The following RIN2 variants were observed in gnomAD, a reference collection of about 807,000 sequenced individuals.
RIN2 encodes RAB5 interacting protein 2.
Under a neutral mutation model 78.0 loss-of-function variants are expected in RIN2, and 36 were observed. That is an observed-to-expected ratio of 0.46 (90% CI 0.35 to 0.61). The LOEUF is 0.61. RIN2 is among the 20% of genes least tolerant of loss of function. The pLI, the probability that RIN2 is intolerant of heterozygous loss-of-function variation, is 0.00. For synonymous variants in RIN2, 466 were observed against 466.8 expected (o/e 1.00, Z 0.02); for missense variants, 1,087 against 1,159.7 (o/e 0.94, Z 0.91).
chr20:19,913,569 A>G (rs771121989), intron 3 of RIN2, among the ~76,000 whole-genome samples: 7 of 152,198 alleles, frequency 4.6e-5, no homozygotes, highest in Non-Finnish European at 8.8e-5. Flanking sequence ...AACTCTATCT[A>G]TTAAATAATT....
At chr20:19,909,172 A>C (rs1190370077) in intron 3 of RIN2, among the ~76,000 whole-genome samples, 1 of 152,000 alleles carries the variant, frequency 6.6e-6, no homozygotes, top group African/African-American at 2.4e-5. Context: ...TCTGCTCTTC[A>C]GTTTTTGTTA....
chr20:19,832,545 G>A (rs1436713195), intron 2 of RIN2, among the ~76,000 whole-genome samples: 1 of 151,618 alleles, frequency 6.6e-6, no homozygotes, highest in Non-Finnish European at 1.5e-5. Flanking sequence ...CACCCTCCGG[G>A]CCATGACCCA....
intron 3 of RIN2, among the ~76,000 whole-genome samples, chr20:19,904,244 T>A (rs1426932917): frequency 0.067 from 5,220 of 77,486 alleles, 314 homozygotes; most frequent in African/African-American, 0.15. Flanking sequence ...AAAAAAAATA[T>A]ATATATATAT....
chr20:19,904,240 A>ATAT (rs1333414799), intron 3 of RIN2, among the ~76,000 whole-genome samples: 14 of 91,706 alleles, frequency 1.5e-4, no homozygotes, highest in South Asian at 6.4e-4. Flanking sequence ...TCAAAAAAAA[A>ATAT]ATATATATAT....
intron 1 of RIN2, among the ~76,000 whole-genome samples, chr20:19,763,171 G>C (rs1458476488): frequency 6.6e-6 from 1 of 152,138 alleles, no homozygotes; most frequent in Non-Finnish European, 1.5e-5. Context: ...GATCACTTGA[G>C]GTTAGGAGTT....
intron 1 of RIN2, among the ~76,000 whole-genome samples, chr20:19,790,867 A>G (rs1021414145): frequency 6.6e-6 from 1 of 152,218 alleles, no homozygotes; most frequent in Non-Finnish European, 1.5e-5. Flanking sequence ...TTTGCATTGT[A>G]AAATGGAAAC....
chr20:19,940,082 G>C (rs372429970), intron 4 of RIN2, among the ~76,000 whole-genome samples: 8 of 152,198 alleles, frequency 5.3e-5, no homozygotes, highest in African/African-American at 1.9e-4. Flanking sequence ...TAACTCCTGA[G>C]TTCAGGCAAT....
intron 1 of RIN2, among the ~76,000 whole-genome samples, chr20:19,787,445 A>AAG (rs1182054268): frequency 5.1e-4 from 76 of 148,180 alleles, no homozygotes; most frequent in African/African-American, 1.2e-3. Context: ...AAAAAAAAAA[A>AAG]AGAGAGAGAG....
intron 11 of RIN2, among the ~76,000 whole-genome samples, chr20:19,992,904 A>AT (rs886956736): frequency 6.6e-6 from 1 of 152,032 alleles, no homozygotes; most frequent in Admixed American, 6.6e-5. Context: ...AACAGTATTA[A>AT]TTTTTTTCCA....
At chr20:19,844,794 T>A (rs1239432397) in intron 2 of RIN2, among the ~76,000 whole-genome samples, 2 of 151,682 alleles carry the variant, frequency 1.3e-5, no homozygotes, top group African/African-American at 4.9e-5. Flanking sequence ...TGCAGGTTTG[T>A]TACATAGGTA....
intron 1 of RIN2, among the ~76,000 whole-genome samples, chr20:19,772,487 T>G (rs1245798302): frequency 6.6e-6 from 1 of 152,182 alleles, no homozygotes; most frequent in Non-Finnish European, 1.5e-5. Context: ...GGGGCCCTTC[T>G]GAATGCAGGG....
chr20:19,933,918 C>A (rs1303952552), intron 3 of RIN2, among the ~76,000 whole-genome samples: 1 of 152,138 alleles, frequency 6.6e-6, no homozygotes, highest in African/African-American at 2.4e-5. Context: ...AAGTGATTCT[C>A]CTACCTCAGC....
chr20:19,861,157 G>A (rs1241972522), intron 2 of RIN2, among the ~76,000 whole-genome samples: 2 of 152,146 alleles, frequency 1.3e-5, no homozygotes, highest in Admixed American at 1.3e-4. Context: ...TCTCCGGGCA[G>A]ATGTCACACT....
chr20:19,821,450 C>G (rs1321788710), intron 2 of RIN2, among the ~76,000 whole-genome samples: 1 of 152,110 alleles, frequency 6.6e-6, no homozygotes, highest in African/African-American at 2.4e-5. Flanking sequence ...CACTCTCCTA[C>G]TCAGAAGTAT....
chr20:19,937,326 C>A (rs1048655294), intron 4 of RIN2, among the ~76,000 whole-genome samples: 2 of 152,142 alleles, frequency 1.3e-5, no homozygotes, highest in African/African-American at 4.8e-5. Context: ...TCAGCAAAAC[C>A]CCTGGAGAAA....
At chr20:19,888,239 C>G (rs6136874) in intron 2 of RIN2, among the ~76,000 whole-genome samples, 1 of 151,830 alleles carries the variant, frequency 6.6e-6, no homozygotes, top group African/African-American at 2.4e-5. Context: ...CTCTGTGTCA[C>G]TATTGTTTTC....
At chr20:19,840,098 C>A (rs1007053614) in intron 2 of RIN2, among the ~76,000 whole-genome samples, 3 of 152,058 alleles carry the variant, frequency 2.0e-5, no homozygotes, top group African/African-American at 4.8e-5. Context: ...TATTGTATTC[C>A]CTACAATGAG....
At chr20:19,927,178 C>T (rs963916812) in intron 3 of RIN2, among the ~76,000 whole-genome samples, 1 of 152,168 alleles carries the variant, frequency 6.6e-6, no homozygotes, top group African/African-American at 2.4e-5. Flanking sequence ...GTACATGAAT[C>T]CATTTTAAGT....
chr20:19,801,528 A>G (rs1351093160), intron 2 of RIN2, among the ~76,000 whole-genome samples: 1 of 152,030 alleles, frequency 6.6e-6, no homozygotes, highest in Non-Finnish European at 1.5e-5. Context: ...TCACTATGTT[A>G]GCCAGCATGG....
Sources: gnomAD v4.1 joint callset for allele counts (sites outside exome capture counted in the v4.1 genomes callset) on GRCh38, gnomAD v4.1.1 for gene constraint, MANE v1.5 for transcripts, NCBI Gene and HGNC (gene_info 2026-07-23, HGNC 2026-07-21) for gene names.